CLSTN2: variants seen among roughly 807,000 people sequenced by gnomAD.
The protein encoded by CLSTN2 is calsyntenin 2, also known as calsyntenin-2.
CLSTN2 carries 48 observed loss-of-function variants against 101.2 expected under a neutral mutation model. The observed-to-expected ratio is 0.47, with a 90% CI of 0.38 to 0.60. CLSTN2 has a LOEUF of 0.60. Ranked by LOEUF, CLSTN2 falls within the 20% of genes least tolerant of loss-of-function variation. The pLI, the probability that CLSTN2 is intolerant of heterozygous loss-of-function variation, is 0.00. For missense variants in CLSTN2, 1,160 were observed against 1,238.2 expected (o/e 0.94, Z 0.95); for synonymous variants, 481 against 463.6 (o/e 1.04, Z -0.48).
chr3:140,124,019 A>G (rs2009389651), intron 1 of CLSTN2, among the ~76,000 whole-genome samples: 1 of 152,130 alleles, frequency 6.6e-6, no homozygotes, highest in South Asian at 2.1e-4. Context: ...GGCAGCACTC[A>G]GTCTATAGCA....
intron 2 of CLSTN2, among the ~76,000 whole-genome samples, chr3:140,210,570 A>G (rs894645101): frequency 2.6e-5 from 4 of 152,244 alleles, no homozygotes; most frequent in African/African-American, 9.6e-5. Flanking sequence ...GAGGGAATGT[A>G]TATACCTTCC....
At chr3:140,528,790 C>A (rs1935195429) in intron 8 of CLSTN2, among the ~76,000 whole-genome samples, 2 of 152,206 alleles carry the variant, frequency 1.3e-5, no homozygotes, top group Admixed American at 1.3e-4. Context: ...TCTCCATTCC[C>A]TGGGACCTCA....
intron 1 of CLSTN2, among the ~76,000 whole-genome samples, chr3:139,939,061 G>T (rs1424546743): frequency 6.6e-6 from 1 of 152,068 alleles, no homozygotes; most frequent in Non-Finnish European, 1.5e-5. Flanking sequence ...GAGAGAATTT[G>T]TCCAAAGTAT....
chr3:140,071,178 G>A (rs1008152221), intron 1 of CLSTN2, among the ~76,000 whole-genome samples: 4 of 152,062 alleles, frequency 2.6e-5, no homozygotes, highest in African/African-American at 9.7e-5. Flanking sequence ...CATTTCAAAT[G>A]AGCAGGAAAA....
chr3:140,358,558 G>A (rs2087697079), intron 2 of CLSTN2, among the ~76,000 whole-genome samples: 2 of 152,114 alleles, frequency 1.3e-5, no homozygotes, highest in South Asian at 4.1e-4. Flanking sequence ...TGTGATTAGA[G>A]ACCATGACCC....
At chr3:140,280,526 G>A (rs926409565) in intron 2 of CLSTN2, among the ~76,000 whole-genome samples, 1 of 152,116 alleles carries the variant, frequency 6.6e-6, no homozygotes, top group Non-Finnish European at 1.5e-5. Flanking sequence ...AAAGCAATTG[G>A]GAAGCAGCTC....
In CLSTN2 at chr3:140,490,131, C is replaced by T. The variant is rs868706760; in HGVS notation, c.1344+23400C>T. On this transcript the variant is annotated intron_variant, in intron 8 of 16. Transcript: ENST00000458420. The stretch of plus-strand genomic sequence containing the variant: ...ATATATATATATACACACACACACA[C>T]ACACACACACACACACACACACACA... Among the ~76,000 whole-genome samples the T allele has an allele frequency of 6.8e-4, 25 of 37,008 alleles. 3 individuals carry two copies. Among genetic ancestry groups the T allele is most frequent in the East Asian group, 1.4e-3 (1 of 696 alleles). The allele number at this position is 37,008 out of a possible 152,430, so 24.3% of individuals were successfully genotyped here. A position where few individuals can be genotyped will look rare whatever the true frequency, so the allele number is the denominator to read the frequency against.
chr3:140,295,065 G>A (rs763410314), intron 2 of CLSTN2, among the ~76,000 whole-genome samples: 5 of 151,996 alleles, frequency 3.3e-5, no homozygotes, highest in Non-Finnish European at 7.4e-5. Context: ...ACAGACATTC[G>A]GTCCATAATA....
chr3:140,315,804 C>A (rs1162452591), intron 2 of CLSTN2, among the ~76,000 whole-genome samples: 4 of 152,118 alleles, frequency 2.6e-5, no homozygotes, highest in African/African-American at 9.7e-5. Context: ...CACATCCCTC[C>A]CGTTATAATC....
At chr3:140,232,886 A>G (rs1476085287) in intron 2 of CLSTN2, among the ~76,000 whole-genome samples, 4 of 152,062 alleles carry the variant, frequency 2.6e-5, no homozygotes, top group African/African-American at 9.7e-5. Context: ...AGTTCAGAAC[A>G]CCAGCTCTTT....
chr3:140,238,939 A>C (rs1234848056), intron 2 of CLSTN2, among the ~76,000 whole-genome samples: 1 of 152,198 alleles, frequency 6.6e-6, no homozygotes, highest in Admixed American at 6.6e-5. Flanking sequence ...TGTAATATAC[A>C]ATGGATATGG....
chr3:140,061,923 A>G (rs961502199), intron 1 of CLSTN2, among the ~76,000 whole-genome samples: 1 of 152,240 alleles, frequency 6.6e-6, no homozygotes, highest in African/African-American at 2.4e-5. Context: ...CTGATCACAC[A>G]GTATTTAAAA....
chr3:140,394,768 C>T (rs1339712155), intron 2 of CLSTN2, among the ~76,000 whole-genome samples: 1 of 152,174 alleles, frequency 6.6e-6, no homozygotes, highest in Non-Finnish European at 1.5e-5. Context: ...AAGTGCCTGA[C>T]CCATAGTAAA....
intron 1 of CLSTN2, among the ~76,000 whole-genome samples, chr3:139,945,075 TA>T (rs111981279): frequency 6.6e-6 from 1 of 151,448 alleles, no homozygotes; most frequent in East Asian, 1.9e-4. Context: ...AATTGCCAGT[TA>T]AAAAAAAAGA....
chr3:139,981,644 G>A (rs370838930), intron 1 of CLSTN2, among the ~76,000 whole-genome samples: 19 of 152,214 alleles, frequency 1.2e-4, no homozygotes, highest in Middle Eastern at 3.2e-3. Context: ...GAGTTCAGGC[G>A]TCCAAACTGT....
chr3:139,975,228 G>C lies in CLSTN2; in HGVS notation c.109+39745G>C, dbSNP rs539021627. On this transcript the variant is annotated intron_variant, in intron 1 of 16. Coordinates refer to ENST00000458420, the MANE Select transcript of CLSTN2 (RefSeq NM_022131.3). ...AGCAGGCACAGCCTCAAGAACTGGGGTGGGAGGTAGGGCTGAGGAAGTCTG... is the reference window on the plus strand; with the variant it reads ...AGCAGGCACAGCCTCAAGAACTGGGCTGGGAGGTAGGGCTGAGGAAGTCTG... Among the ~76,000 whole-genome samples the C allele has an allele frequency of 4.6e-5, 7 of 152,300 alleles. No homozygotes were observed. In the South Asian group the frequency reaches 1.4e-3, roughly 32 times the overall value.
chr3:140,435,498 T>G (rs1451725349), intron 5 of CLSTN2, among the ~76,000 whole-genome samples: 1 of 152,228 alleles, frequency 6.6e-6, no homozygotes, highest in Non-Finnish European at 1.5e-5. Context: ...TTCCAAATCT[T>G]AATTATTGTA....
Position 140,352,200 on chromosome 3 carries a change from T to C in CLSTN2, c.233-51429T>C, listed in dbSNP as rs143295461. 3.7e-3 allele frequency among the ~76,000 whole-genome samples: 566 copies of C among 152,338 alleles called. 3 individuals carry two copies. The highest frequency in any genetic ancestry group is 0.012 in the African/African-American group (502 of 41,578). ...ACCAATACTCAGTAAGTGATATCTC[T>C]TAATTATAAAGTTATCATTACTATT... On this transcript the variant is annotated intron_variant, in intron 2 of 16. Transcript: ENST00000458420.
intron 2 of CLSTN2, among the ~76,000 whole-genome samples, chr3:140,187,019 A>G (rs1031347656): frequency 2.0e-5 from 3 of 152,120 alleles, no homozygotes; most frequent in African/African-American, 7.2e-5. Flanking sequence ...CAAGGGGAAA[A>G]TCTTTATTCT....
Sources: gnomAD v4.1 joint callset for allele counts (sites outside exome capture counted in the v4.1 genomes callset) on GRCh38, gnomAD v4.1.1 for gene constraint, MANE v1.5 for transcripts, NCBI Gene and HGNC (gene_info 2026-07-23, HGNC 2026-07-21) for gene names.